Variants in LPP observed in about 807,000 individuals in gnomAD.
The protein encoded by LPP is lipoma-preferred partner.
In LPP, 38 loss-of-function variants were observed where a neutral mutation model predicts 60.4. That is an observed-to-expected ratio of 0.63 (90% confidence interval 0.49 to 0.83). The LOEUF is 0.83. LPP is among the 40% of genes least tolerant of loss of function. The probability of loss-of-function intolerance (pLI) is 0.00; values close to 1 mark genes in which losing one functional copy is unlikely to be tolerated. For synonymous variants in LPP, 328 were observed against 290.8 expected (o/e 1.13, Z -1.30); for missense variants, 902 against 783.6 (o/e 1.15, Z -1.80).
chr3:188,233,924 G>A (rs1720984728), intron 2 of LPP, among the ~76,000 whole-genome samples: 1 of 151,938 alleles, frequency 6.6e-6, no homozygotes, highest in African/African-American at 2.4e-5. Context: ...GCACTCCAGA[G>A]TCCTCACCAT....
chr3:188,719,932 A>C (rs1294746944), intron 8 of LPP, among the ~76,000 whole-genome samples: 3 of 152,142 alleles, frequency 2.0e-5, no homozygotes, highest in Non-Finnish European at 4.4e-5. Flanking sequence ...GTTTTGTCTG[A>C]GACGTAGTCT....
chr3:188,240,964 T>C (rs533736451), intron 2 of LPP, among the ~76,000 whole-genome samples: 1 of 152,362 alleles, frequency 6.6e-6, no homozygotes, highest in African/African-American at 2.4e-5. Context: ...TATGATTCTT[T>C]TATTTTTAAA....
intron 6 of LPP, among the ~76,000 whole-genome samples, chr3:188,526,626 T>C (rs1820660955): frequency 1.3e-5 from 2 of 152,198 alleles, no homozygotes; most frequent in African/African-American, 2.4e-5. Context: ...GTACCTTTTC[T>C]TAACATATAA....
intron 2 of LPP, among the ~76,000 whole-genome samples, chr3:188,255,295 C>A (rs1012817178): frequency 6.6e-6 from 1 of 152,160 alleles, no homozygotes; most frequent in African/African-American, 2.4e-5. Flanking sequence ...ATTTCACAGA[C>A]GAGGAAACGG....
At chr3:188,542,515 C>T (rs1015786489) in intron 6 of LPP, among the ~76,000 whole-genome samples, 1 of 152,114 alleles carries the variant, frequency 6.6e-6, no homozygotes, top group African/African-American at 2.4e-5. Context: ...CTTTTCTAGT[C>T]TCTTGCTTTT....
chr3:188,754,170 C>A (rs1729368934), intron 8 of LPP, among the ~76,000 whole-genome samples: 1 of 152,142 alleles, frequency 6.6e-6, no homozygotes. Flanking sequence ...ATGATAAATT[C>A]ATCGGCAACC....
chr3:188,785,519 TATATATATATTCCATC>T (rs1335997823), intron 9 of LPP, among the ~76,000 whole-genome samples: 3 of 63,444 alleles, frequency 4.7e-5, no homozygotes, highest in Non-Finnish European at 8.4e-5. Context: ...CATATATATA[TATATATATATTCCATC>T]ATATATATAT....
intron 8 of LPP, among the ~76,000 whole-genome samples, chr3:188,739,211 C>T (rs1723579570): frequency 6.6e-6 from 1 of 151,872 alleles, no homozygotes; most frequent in African/African-American, 2.4e-5. Context: ...AAAAAATGGA[C>T]CACAGTTTTA....
rs1373388445 is a variant in LPP at position 188,214,830 on chromosome 3, A to G, written c.-189-10575A>G. Among the ~76,000 whole-genome samples, 12 of 152,212 alleles carry G rather than the reference A, an allele frequency of 7.9e-5. 1 individual carries two copies. The highest frequency in any genetic ancestry group is 7.9e-4 in the Admixed American group (12 of 15,284). On this transcript the variant is annotated intron_variant, in intron 1 of 11. Transcript: ENST00000617246. ...GTAAATAATACCAGTATGAATACTA[A>G]TACTCTGAATAAGGACAGCTGACAA...
chr3:188,251,078 T>C (rs1296308984), intron 2 of LPP, among the ~76,000 whole-genome samples: 1 of 139,270 alleles, frequency 7.2e-6, no homozygotes, highest in Non-Finnish European at 1.5e-5. Flanking sequence ...TTTTTCTTTC[T>C]TTCTCTCTCT....
At chr3:188,822,591 C>G (rs1490712659) in intron 9 of LPP, among the ~76,000 whole-genome samples, 1 of 152,218 alleles carries the variant, frequency 6.6e-6, no homozygotes, top group Admixed American at 6.5e-5. Context: ...GTCTTTCTCA[C>G]TGTGATGCCA....
chr3:188,776,270 T>A (rs1200653261), intron 9 of LPP, among the ~76,000 whole-genome samples: 2 of 152,160 alleles, frequency 1.3e-5, no homozygotes, highest in Non-Finnish European at 2.9e-5. Context: ...TCCCAGAGGA[T>A]GCAGCATTTG....
rs1321907617 is a variant in LPP, at chr3:188,352,575, C to T, written c.-10+10856C>T. Among the ~76,000 whole-genome samples, 1 of 152,230 alleles carries T rather than the reference C, an allele frequency of 6.6e-6. No homozygotes were observed. Among genetic ancestry groups the T allele is most frequent in the South Asian group, 2.1e-4 (1 of 4,832 alleles). On this transcript the variant is annotated intron_variant, in intron 3 of 11. Transcript: ENST00000617246. The surrounding 1 kb of genome is among the most constrained non-coding windows in gnomAD (Gnocchi z 4.4). ...AAGAAGGGCTTGTGAATATCCCGTA[C>T]TCTCATTTGATGTGTGAGGACAGTG... is the stretch of plus-strand genomic sequence containing the variant.
chr3:188,563,486 G>GTGTGTGTGTGTGTGTGT (rs1553929550), intron 6 of LPP, among the ~76,000 whole-genome samples: 7 of 84,532 alleles, frequency 8.3e-5, no homozygotes, highest in South Asian at 3.9e-4. Flanking sequence ...GTGTGTGTGT[G>GTGTGTGTGTGTGTGTGT]GTATATTATC....
At chr3:188,389,589 A>G (rs963039515) in intron 3 of LPP, among the ~76,000 whole-genome samples, 1 of 152,138 alleles carries the variant, frequency 6.6e-6, no homozygotes, top group African/African-American at 2.4e-5. Flanking sequence ...CAGCCTGGCC[A>G]ATGTGGCGAA....
At chr3:188,319,737 T>G (rs143917081) in intron 2 of LPP, among the ~76,000 whole-genome samples, 31 of 152,370 alleles carry the variant, frequency 2.0e-4, no homozygotes, top group Non-Finnish European at 4.1e-4. Context: ...ACATCTTATA[T>G]AACCAAAGTA....
At chr3:188,284,156 C>G (rs1399120657) in intron 2 of LPP, among the ~76,000 whole-genome samples, 1 of 151,884 alleles carries the variant, frequency 6.6e-6, no homozygotes, top group Non-Finnish European at 1.5e-5. Context: ...CTTTGAGAGG[C>G]CAAGGTGGGC....
intron 9 of LPP, among the ~76,000 whole-genome samples, chr3:188,779,563 A>T (rs1220711262): frequency 6.6e-6 from 1 of 151,482 alleles, no homozygotes. Flanking sequence ...AAGGCTGCTC[A>T]TTCATTTTTC....
intron 4 of LPP, among the ~76,000 whole-genome samples, chr3:188,477,196 T>G (rs1245944100): frequency 1.3e-5 from 2 of 152,214 alleles, no homozygotes; most frequent in African/African-American, 4.8e-5. Flanking sequence ...TGGCTTGACA[T>G]TCTGATCCTT....
Sources: allele counts gnomAD v4.1 joint callset (sites outside exome capture counted in the v4.1 genomes callset), GRCh38; gene constraint gnomAD v4.1.1; non-coding constraint Gnocchi (gnomAD v3.1); transcripts MANE v1.5; gene names NCBI Gene and HGNC (gene_info 2026-07-23, HGNC 2026-07-21).